Variants in SH2B3 observed in about 807,000 individuals in gnomAD.
SH2B3 encodes the protein SH2B adapter protein 3.
SH2B3 carries 43 observed loss-of-function variants against 51.9 expected under a neutral mutation model. The observed-to-expected ratio is 0.83, with a 90% CI of 0.65 to 1.07. The LOEUF (loss-of-function observed/expected upper bound fraction) is 1.07. SH2B3 is among the 50% of genes least tolerant of loss of function. The pLI is 0.00. For synonymous variants in SH2B3, 396 were observed against 376.0 expected (o/e 1.05, Z -0.62); for missense variants, 952 against 834.3 (o/e 1.14, Z -1.74).
At chr12:111,444,531 A>G (rs1454496197) in intron 2 of SH2B3, among the ~76,000 whole-genome samples, 1 of 152,210 alleles carries the variant, frequency 6.6e-6, no homozygotes, top group South Asian at 2.1e-4. Flanking sequence ...TGATCACCCA[A>G]CCACAGTAGA....
Position 111,448,093 on chromosome 12 carries a change from C to T in SH2B3, c.1519C>T (p.Pro507Ser). 9 of 1,613,964 alleles carry T rather than the reference C, an allele frequency of 5.6e-6. No homozygotes were observed. The highest frequency in any genetic ancestry group is 7.6e-6 in the Non-Finnish European group (9 of 1,179,876). The change falls in exon 8 of 8, where the codon CCC (proline) becomes TCC (serine). Residue 507 changes from proline to serine, a missense_variant. Coordinates refer to ENST00000341259, the MANE Select transcript of SH2B3 (RefSeq NM_005475.3). ...GLPHLSSSGC[P>S]RGLSPEGLPG... Reference sequence around the variant, plus strand: ...TCCCCACCTTAGTTCTTCTGGCTGTCCCCGGGGGCTCAGCCCAGAGGGTCT... The same window carrying T: ...TCCCCACCTTAGTTCTTCTGGCTGTTCCCGGGGGCTCAGCCCAGAGGGTCT...
chr12:111,439,337 CAG>C (rs951189532), intron 2 of SH2B3, among the ~76,000 whole-genome samples: 1 of 152,178 alleles, frequency 6.6e-6, no homozygotes, highest in African/African-American at 2.4e-5. Flanking sequence ...TTAGTAGAGA[CAG>C]AGTTTCTCCA....
Position 111,440,653 on chromosome 12 carries a change from T to A in SH2B3, c.733-6100T>A, listed in dbSNP as rs1593067944. 2.6e-5 allele frequency among the ~76,000 whole-genome samples: 4 copies of A among 152,350 alleles called. No individual in the cohort carries two copies. The East Asian group carries it at 5.8e-4, about 22-fold the overall frequency. On this transcript the variant is annotated intron_variant, in intron 2 of 7. Coordinates refer to ENST00000341259, the MANE Select transcript of SH2B3 (RefSeq NM_005475.3). Reference sequence around the variant, plus strand: ...GCCCTCTGGGTGTTGGCTCTTGCTATTCCCTTAACCTCCAGTGCCTTTTTC... The same window carrying A: ...GCCCTCTGGGTGTTGGCTCTTGCTAATCCCTTAACCTCCAGTGCCTTTTTC...
rs866158958 is a variant in SH2B3 at position 111,435,999 on chromosome 12, C to T, written c.733-10754C>T. Among the ~76,000 whole-genome samples, 3 of 152,094 alleles carry T rather than the reference C, an allele frequency of 2.0e-5. No homozygotes were observed. Among genetic ancestry groups the T allele is most frequent in the Non-Finnish European group, 4.4e-5 (3 of 68,004 alleles). On this transcript the variant is annotated intron_variant, in intron 2 of 7. Coordinates refer to ENST00000341259, the MANE Select transcript of SH2B3 (RefSeq NM_005475.3). The surrounding 1 kb of genome is among the most constrained non-coding windows in gnomAD (Gnocchi z 4.8). Reference sequence around the variant, plus strand: ...CCCTGCCGTGTATGGAGCTGAGTGCCGCCCAGAGATGCCATCTTGTCCTCA... The same window carrying T: ...CCCTGCCGTGTATGGAGCTGAGTGCTGCCCAGAGATGCCATCTTGTCCTCA...
chr12:111,418,970 C>A lies in SH2B3; in HGVS notation c.732+93C>A. The stretch of plus-strand genomic sequence containing the variant: ...CGGGCTGGGGAGGTGTGATGGCTTT[C>A]CAGCTGGTGGCCACAGAGTGTCCAG... On this transcript the variant is annotated intron_variant, in intron 2 of 7. Coordinates refer to ENST00000341259, the MANE Select transcript of SH2B3 (RefSeq NM_005475.3). The surrounding 1 kb of genome is among the most constrained non-coding windows in gnomAD (Gnocchi z 6.7). 7 of 1,215,742 alleles carry A rather than the reference C, an allele frequency of 5.8e-6. No homozygotes were observed. The highest frequency in any genetic ancestry group is 7.4e-6 in the Non-Finnish European group (7 of 941,346). 75.3% of individuals were successfully genotyped at this position (1,215,742 alleles called of 1,614,324 possible).
intron 1 of SH2B3, among the ~76,000 whole-genome samples, chr12:111,414,998 T>C (rs184381010): frequency 1.3e-5 from 2 of 152,302 alleles, no homozygotes; most frequent in Admixed American, 1.3e-4. Context: ...GAGAGCAGTG[T>C]TCGTCTGTGC....
At chr12:111,428,324 C>G (rs1872172845) in intron 2 of SH2B3, among the ~76,000 whole-genome samples, 1 of 152,210 alleles carries the variant, frequency 6.6e-6, no homozygotes, top group Non-Finnish European at 1.5e-5. Context: ...GAGCCCCCCG[C>G]TGCATCACAG....
In SH2B3 at chr12:111,435,080, T is replaced by TC; in HGVS notation, c.733-11669dup. On this transcript the variant is annotated intron_variant, in intron 2 of 7. Transcript: ENST00000341259. The surrounding 1 kb of genome is among the most constrained non-coding windows in gnomAD (Gnocchi z 4.8). ...CTTTGGGGATCTTGGTGGTGATGAG[T>TC]CCCCTCTCCTCTGGTGCACTCTCCC... 1 of 1,401,290 alleles carries TC rather than the reference T, an allele frequency of 7.1e-7. No individual in the cohort carries two copies. 86.8% of individuals were successfully genotyped at this position (1,401,290 alleles called of 1,614,324 possible).
rs557680103 is a variant in SH2B3 at position 111,448,559 on chromosome 12, G to A, written c.*257G>A. The A allele has an allele frequency of 7.8e-4, 379 of 485,462 alleles. No homozygotes were observed. Among genetic ancestry groups the A allele is most frequent in the Non-Finnish European group, 1.2e-3 (318 of 272,384 alleles). The allele number at this position is 485,462 out of a possible 1,614,324, so 30.1% of individuals were successfully genotyped here. On this transcript the variant is annotated 3_prime_UTR_variant, in exon 8 of 8. Transcript: ENST00000341259. The stretch of plus-strand genomic sequence containing the variant: ...TAGAGGATGCCGCTAGCTCCTGCCC[G>A]GGGTCCCTATGCCCAGTCCCCGTTA...
At chr12:111,431,651 G>A (rs1036369826) in intron 2 of SH2B3, among the ~76,000 whole-genome samples, 4 of 152,106 alleles carry the variant, frequency 2.6e-5, no homozygotes, top group South Asian at 2.1e-4. Context: ...GCGCCATCTC[G>A]GCTCATTGCA....
rs1022064972 is a variant in SH2B3 at position 111,409,777 on chromosome 12, G to A, written c.-28+3500G>A. 7.9e-5 allele frequency among the ~76,000 whole-genome samples: 12 copies of A among 152,196 alleles called. No individual in the cohort carries two copies. The highest frequency in any genetic ancestry group is 1.5e-4 in the Non-Finnish European group (10 of 68,030). On this transcript the variant is annotated intron_variant, in intron 1 of 7. Coordinates refer to ENST00000341259, the MANE Select transcript of SH2B3 (RefSeq NM_005475.3). The surrounding 1 kb of genome is among the most constrained non-coding windows in gnomAD (Gnocchi z 4.0). ...TCTGCTCAATGGGGCCCTGCTGCCG[G>A]GGTGACAAGCATCCCTCTACCAGGG...
rs147727295 is a variant in SH2B3 at position 111,409,682 on chromosome 12, G to A, written c.-28+3405G>A. ...CTGCACCCCACCTCCCCAGCTTCCCGGGGCTTGAGATCCCTTGGAGACTGA... is the reference window on the plus strand; with the variant it reads ...CTGCACCCCACCTCCCCAGCTTCCCAGGGCTTGAGATCCCTTGGAGACTGA... On this transcript the variant is annotated intron_variant, in intron 1 of 7. Coordinates refer to ENST00000341259, the MANE Select transcript of SH2B3 (RefSeq NM_005475.3). This position sits in a 1 kb window ranked among gnomAD's most constrained non-coding sequence, Gnocchi z 4.0. Among the ~76,000 whole-genome samples, 183 of 152,282 alleles carry A rather than the reference G, an allele frequency of 1.2e-3. 1 individual carries two copies. In the East Asian group the frequency reaches 0.017, roughly 14 times the overall value.
At chr12:111,445,084 C>A (rs1010569174) in intron 2 of SH2B3, among the ~76,000 whole-genome samples, 1 of 152,200 alleles carries the variant, frequency 6.6e-6, no homozygotes, top group South Asian at 2.1e-4. Context: ...GGGGGTGGAG[C>A]TGGCTTGCAG....
chr12:111,447,701 C>G lies in SH2B3; in HGVS notation c.1282C>G (p.His428Asp). 6.2e-7 allele frequency: 1 copy of G among 1,613,918 alleles called. No homozygotes were observed. Among genetic ancestry groups the G allele is most frequent in the Non-Finnish European group, 8.5e-7 (1 of 1,179,960 alleles). Residue 428 changes from histidine (H) to aspartate (D), a missense_variant, in exon 7 of 8, where the codon CAC (histidine) becomes GAC (aspartate). Transcript: ENST00000341259. ...LTERGQCRVQ[H>D]LHFPSVVDML... is the part of the protein sequence containing the mutation. Reference sequence around the variant, plus strand: ...AGAGCGGGGCCAGTGCCGTGTGCAGCACCTCCACTTTCCCTCGGTCGTGGA... The same window carrying G: ...AGAGCGGGGCCAGTGCCGTGTGCAGGACCTCCACTTTCCCTCGGTCGTGGA...
intron 6 of SH2B3, 39 bp downstream of exon 6, chr12:111,447,583 C>T (rs760935163): frequency 8.7e-6 from 14 of 1,605,510 alleles, no homozygotes; most frequent in Middle Eastern, 1.6e-4. Flanking sequence ...CAGGCAGGAC[C>T]GTGCCACCCC....
At chr12:111,424,826 G>A (rs1301714264) in intron 2 of SH2B3, among the ~76,000 whole-genome samples, 1 of 152,202 alleles carries the variant, frequency 6.6e-6, no homozygotes, top group Non-Finnish European at 1.5e-5. Context: ...TGACCCAGGG[G>A]TTGGCTCTGG....
chr12:111,415,560 A>G (rs993826566), intron 1 of SH2B3, among the ~76,000 whole-genome samples: 2 of 149,904 alleles, frequency 1.3e-5, no homozygotes, highest in African/African-American at 4.9e-5. Context: ...ACTTTTGTTA[A>G]TTTATTCCTT....
At chr12:111,426,385 CT>C (rs796965805) in intron 2 of SH2B3, among the ~76,000 whole-genome samples, 18,123 of 135,968 alleles carry the variant, frequency 0.13, 3,783 homozygotes, top group African/African-American at 0.46. Flanking sequence ...TTTCTTTTAT[CT>C]TTTTTTTTTT....
intron 2 of SH2B3, chr12:111,444,136 A>G (rs1002874442): frequency 6.6e-6 from 1 of 152,328 alleles, no homozygotes; most frequent in Non-Finnish European, 1.5e-5. Context: ...TGGAGGTTGC[A>G]GTGAGCCGAG....
Sources: allele counts gnomAD v4.1 joint callset (sites outside exome capture counted in the v4.1 genomes callset), GRCh38; gene constraint gnomAD v4.1.1; non-coding constraint Gnocchi (gnomAD v3.1); transcripts MANE v1.5; gene names NCBI Gene and HGNC (gene_info 2026-07-23, HGNC 2026-07-21).